ASCC2: variants seen among roughly 807,000 people sequenced by gnomAD.
ASCC2 encodes the protein ASC-1 complex subunit P100.
A neutral mutation model predicts 93.5 loss-of-function variants in ASCC2; 42 were observed. That is an observed-to-expected ratio of 0.45 (90% confidence interval 0.35 to 0.58). The LOEUF is 0.58. ASCC2 is among the 20% of genes least tolerant of loss of function. The pLI, the probability that ASCC2 is intolerant of heterozygous loss-of-function variation, is 0.00. For synonymous variants in ASCC2, 364 were observed against 384.2 expected (o/e 0.95, Z 0.62); for missense variants, 859 against 977.6 (o/e 0.88, Z 1.62).
intron 8 of ASCC2, among the ~76,000 whole-genome samples, chr22:29,810,573 G>C (rs2060170133): frequency 6.6e-6 from 1 of 152,156 alleles, no homozygotes; most frequent in African/African-American, 2.4e-5. Flanking sequence ...GTTGCTGGTG[G>C]GAGAGTAAAT....
chr22:29,838,272 A>T lies in ASCC2; in HGVS notation c.-112T>A. 1 of 463,272 alleles carries T rather than the reference A, an allele frequency of 2.2e-6. No individual in the cohort carries two copies. 28.7% of individuals were successfully genotyped at this position (463,272 alleles called of 1,614,324 possible). A position where few individuals can be genotyped will look rare whatever the true frequency, so the allele number is the denominator to read the frequency against. On this transcript the variant is annotated 5_prime_UTR_variant, in exon 1 of 20. Transcript: ENST00000307790. ...TGAGCGCCCGCACTTCCGGGGTCAA[A>T]CTGCGATTCCGCAGGAGCAGACAGG...
At chr22:29,824,980 C>T (rs1397915540) in intron 4 of ASCC2, 107 bp downstream of exon 4, 1 of 1,088,848 alleles carries the variant, frequency 9.2e-7, no homozygotes, top group Non-Finnish European at 1.2e-6. Context: ...GGAAGAGAGA[C>T]AAAGAGGAAA....
chr22:29,834,061 C>T (rs1408291992), intron 1 of ASCC2: 2 of 164,460 alleles, frequency 1.2e-5, no homozygotes, highest in Non-Finnish European at 2.6e-5. Context: ...ACTGGCTTTA[C>T]ATGTATTAAT....
chr22:29,808,665 A>C (rs1304206644), intron 8 of ASCC2, among the ~76,000 whole-genome samples: 1 of 152,028 alleles, frequency 6.6e-6, no homozygotes, highest in African/African-American at 2.4e-5. Context: ...TCTACAAAAA[A>C]TACAAAAATT....
chr22:29,795,010 C>T (rs565678053), intron 15 of ASCC2, among the ~76,000 whole-genome samples: 17 of 151,920 alleles, frequency 1.1e-4, no homozygotes, highest in South Asian at 2.1e-4. Context: ...TTGCAACCTC[C>T]GCCTCCTGGG....
intron 5 of ASCC2, among the ~76,000 whole-genome samples, chr22:29,819,116 T>C (rs2061249572): frequency 6.6e-6 from 1 of 152,216 alleles, no homozygotes; most frequent in Admixed American, 6.5e-5. Context: ...GGCTGAGACA[T>C]GCCAGGCACG....
intron 7 of ASCC2, 130 bp downstream of exon 7, chr22:29,814,527 G>A: frequency 1.5e-6 from 1 of 649,218 alleles, no homozygotes; most frequent in Non-Finnish European, 2.6e-6. Flanking sequence ...CACTGTGCTG[G>A]AGGAAGGGGC....
Position 29,822,467 on chromosome 22 carries a change from A to T in ASCC2, c.412-3T>A. 1 of 1,613,532 alleles carries T rather than the reference A, an allele frequency of 6.2e-7. No homozygotes were observed. Among genetic ancestry groups the T allele is most frequent in the Non-Finnish European group, 8.5e-7 (1 of 1,179,708 alleles). ...GCAGAAGGGGAAATGAAGTGATCCT[A>T]AGGAAAAATGCAGAGAGAAAGGATA... On this transcript the variant is annotated splice_region_variant and splice_polypyrimidine_tract_variant and intron_variant, in intron 4 of 19. Transcript: ENST00000307790.
At position 29,806,254 on chromosome 22, in the gene ASCC2, G is replaced by C; in HGVS notation, c.1122C>G (p.Ala374=). 1.2e-6 allele frequency: 2 copies of C among 1,614,094 alleles called. No homozygotes were observed. Among genetic ancestry groups the C allele is most frequent in the African/African-American group, 2.7e-5 (2 of 75,010 alleles). Residue 374 remains alanine, a synonymous_variant, in exon 12 of 20, where the codon GCC becomes GCG. Coordinates refer to ENST00000307790, the MANE Select transcript of ASCC2 (RefSeq NM_032204.5). ...CCTGCTGCAGCAAGCTGATGTCTTC[G>C]GCCACGGGGAAGAGTGCATCATAGT... ...LRDYDALFPV[A]EDISLLQQAS...
intron 19 of ASCC2, 89 bp from the exon 20 acceptor site, chr22:29,789,273 G>A: frequency 1.4e-6 from 2 of 1,480,552 alleles, no homozygotes; most frequent in East Asian, 2.3e-5. Flanking sequence ...GTGTTCACTG[G>A]GAGAGGACAC....
rs554784267 is a variant in ASCC2, at chr22:29,789,083, G to A, written c.2204C>T (p.Ala735Val). 20 of 1,614,014 alleles carry A rather than the reference G, an allele frequency of 1.2e-5. No individual in the cohort carries two copies. The highest frequency in any genetic ancestry group is 6.7e-5 in the African/African-American group (5 of 74,896). ...QERRKKEANKATRANHNRRTM... is the reference protein window; with the variant it reads ...QERRKKEANKVTRANHNRRTM... ...TCTCCGGTTGTGGTTGGCTCTTGTC[G>A]CCTTGTTGGCTTCCTTCTTCCTGCG... The change falls in exon 20 of 20, where the codon GCG becomes GTG. Residue 735 changes from alanine to valine, a missense_variant. By Grantham distance (64) the Ala-to-Val change is moderately conservative. Coordinates refer to ENST00000307790, the MANE Select transcript of ASCC2 (RefSeq NM_032204.5).
rs577304904 is a variant in ASCC2, at chr22:29,790,687, G to A, written c.2023-139C>T. 140 of 840,676 alleles carry A rather than the reference G, an allele frequency of 1.7e-4. No homozygotes were observed. The East Asian group carries it at 3.1e-3, about 19-fold the overall frequency. The allele number at this position is 840,676 out of a possible 1,614,324, so 52.1% of individuals were successfully genotyped here. A position where few individuals can be genotyped will look rare whatever the true frequency, so the allele number is the denominator to read the frequency against. ...GGAAGCTGCAGCCTGGCAGAGCGAC[G>A]CCCAGGAATGGAGTGGGATTACTGT... On this transcript the variant is annotated intron_variant, in intron 18 of 19. Coordinates refer to ENST00000307790, the MANE Select transcript of ASCC2 (RefSeq NM_032204.5).
chr22:29,832,124 T>A (rs1342691471), intron 2 of ASCC2, 121 bp downstream of exon 2: 2 of 830,038 alleles, frequency 2.4e-6, no homozygotes, highest in Non-Finnish European at 3.8e-6. Context: ...TCTCAGCTAC[T>A]GAATCACCGA....
chr22:29,812,769 C>T (rs1191819919), intron 8 of ASCC2, among the ~76,000 whole-genome samples: 1 of 152,182 alleles, frequency 6.6e-6, no homozygotes, highest in Non-Finnish European at 1.5e-5. Context: ...GATACCTGTT[C>T]CTTCAAGACA....
At chr22:29,801,376 C>T (rs754502009) in intron 14 of ASCC2, among the ~76,000 whole-genome samples, 2 of 152,328 alleles carry the variant, frequency 1.3e-5, no homozygotes, top group Non-Finnish European at 1.5e-5. Flanking sequence ...TTCTTAAAAG[C>T]GCTATCCCAC....
At chr22:29,811,035 T>C (rs2060221218) in intron 8 of ASCC2, among the ~76,000 whole-genome samples, 1 of 152,156 alleles carries the variant, frequency 6.6e-6, no homozygotes, top group Non-Finnish European at 1.5e-5. Flanking sequence ...CTGGCCTCTG[T>C]AGTATTTTTT....
rs998314657 is a variant in ASCC2 at position 29,813,439 on chromosome 22, A to G, written c.824T>C (p.Phe275Ser). ...LACQTFQKHD[F>S]CYRLASFYEA... ...AGAACTACCGCCTTACCTGTAACAA[A>G]AGTCGTGCTTCTGGAAGGTCTGGCA... Residue 275 changes from phenylalanine to serine, a missense_variant, in exon 8 of 20, where the codon TTT (phenylalanine) becomes TCT (serine). Coordinates refer to ENST00000307790, the MANE Select transcript of ASCC2 (RefSeq NM_032204.5). The G allele has an allele frequency of 1.2e-6, 2 of 1,610,224 alleles. No individual in the cohort carries two copies. The highest frequency in any genetic ancestry group is 3.3e-5 in the Admixed American group (2 of 60,026).
chr22:29,806,175 C>G (rs745948617), intron 12 of ASCC2, 41 bp downstream of exon 12: 2 of 1,600,454 alleles, frequency 1.2e-6, no homozygotes, highest in East Asian at 2.2e-5. Flanking sequence ...CTGACCTAGT[C>G]AAGCTGGGCC....
At chr22:29,822,192 A>T in intron 5 of ASCC2, 143 bp downstream of exon 5, 1 of 1,060,944 alleles carries the variant, frequency 9.4e-7, no homozygotes, top group Non-Finnish European at 1.4e-6. Flanking sequence ...TGACACTCAT[A>T]TATCTGTTAA....
Sources: allele counts gnomAD v4.1 joint callset (sites outside exome capture counted in the v4.1 genomes callset), GRCh38; gene constraint gnomAD v4.1.1; transcripts MANE v1.5; gene names NCBI Gene and HGNC (gene_info 2026-07-23, HGNC 2026-07-21).